Variants in GREM2 observed in about 807,000 individuals in gnomAD.
The protein encoded by GREM2 is gremlin-2.
Under a neutral mutation model 14.2 loss-of-function variants are expected in GREM2, and 11 were observed. The observed-to-expected ratio is 0.78, with a 90% CI of 0.49 to 1.28. The LOEUF is 1.28. Among genes scored for constraint, GREM2 ranks in the 50% most tolerant of loss-of-function variants. The pLI is 0.00. For missense variants in GREM2, 210 were observed against 218.5 expected, an observed-to-expected ratio of 0.96 and a Z score of 0.24; for synonymous variants, 98 against 97.6, an observed-to-expected ratio of 1.00 and a Z score of -0.02.
chr1:240,595,182 G>A (rs61833681), intron 1 of GREM2, among the ~76,000 whole-genome samples: 43,340 of 152,010 alleles, frequency 0.29, 6,259 homozygotes, highest in Middle Eastern at 0.35. Context: ...AAATACAAAG[G>A]TTAGCTGGGC....
chr1:240,556,236 G>A (rs534458601), intron 1 of GREM2, among the ~76,000 whole-genome samples: 6 of 152,312 alleles, frequency 3.9e-5, no homozygotes, highest in Non-Finnish European at 8.8e-5. Flanking sequence ...TGTTCGAAGA[G>A]TGAAATCCCC....
Position 240,492,871 on chromosome 1 carries a change from G to T in GREM2, c.*98C>A. 1 of 1,183,690 alleles carries T rather than the reference G, an allele frequency of 8.4e-7. No individual in the cohort carries two copies. Among genetic ancestry groups the T allele is most frequent in the Non-Finnish European group, 1.1e-6 (1 of 923,016 alleles). 73.3% of individuals were successfully genotyped at this position (1,183,690 alleles called of 1,614,324 possible). A position where few individuals can be genotyped will look rare whatever the true frequency, so the allele number is the denominator to read the frequency against. On this transcript the variant is annotated 3_prime_UTR_variant, in exon 2 of 2. Transcript: ENST00000318160. ...GCTTGCTGCTGAGGGGGAACACCAG[G>T]CAGCGTGACAGTGGGCTCGGAGGGC...
chr1:240,527,527 G>T (rs929852003), intron 1 of GREM2, among the ~76,000 whole-genome samples: 5 of 152,184 alleles, frequency 3.3e-5, no homozygotes, highest in Non-Finnish European at 7.4e-5. Context: ...CTGCTGACAG[G>T]AGAAAACATT....
chr1:240,546,206 G>T (rs374043773), intron 1 of GREM2, among the ~76,000 whole-genome samples: 3 of 152,172 alleles, frequency 2.0e-5, no homozygotes, highest in Admixed American at 1.3e-4. Flanking sequence ...AGGCATGGTG[G>T]CACATGCCTA....
At chr1:240,534,893 T>C (rs1382381355) in intron 1 of GREM2, among the ~76,000 whole-genome samples, 1 of 151,920 alleles carries the variant, frequency 6.6e-6, no homozygotes. Flanking sequence ...GTTTCGAAAA[T>C]TTGGTGACGC....
chr1:240,548,122 A>C (rs1481576325), intron 1 of GREM2, among the ~76,000 whole-genome samples: 1 of 151,572 alleles, frequency 6.6e-6, no homozygotes, highest in African/African-American at 2.4e-5. Context: ...AAAAAAAAAA[A>C]AAATTAGCCA....
At chr1:240,567,201 T>C (rs1189316321) in intron 1 of GREM2, among the ~76,000 whole-genome samples, 1 of 152,164 alleles carries the variant, frequency 6.6e-6, no homozygotes. Context: ...CAGTGAGATG[T>C]GGGATAACTT....
intron 1 of GREM2, among the ~76,000 whole-genome samples, chr1:240,528,876 G>A (rs1422766598): frequency 1.3e-5 from 2 of 152,236 alleles, no homozygotes; most frequent in East Asian, 3.9e-4. Flanking sequence ...AAGGAGACTC[G>A]CTTAACCTGA....
At chr1:240,504,924 T>C (rs1300458281) in intron 1 of GREM2, among the ~76,000 whole-genome samples, 6 of 152,156 alleles carry the variant, frequency 3.9e-5, no homozygotes, top group African/African-American at 1.4e-4. Flanking sequence ...ATATAATAGA[T>C]GATATAGTTT....
chr1:240,492,799 T>G lies in GREM2; in HGVS notation c.*170A>C. 1.6e-6 allele frequency: 1 copy of G among 630,918 alleles called. No individual in the cohort carries two copies. Among genetic ancestry groups the G allele is most frequent in the Non-Finnish European group, 2.3e-6 (1 of 443,920 alleles). The allele number at this position is 630,918 out of a possible 1,614,324, so 39.1% of individuals were successfully genotyped here. On this transcript the variant is annotated 3_prime_UTR_variant, in exon 2 of 2. Coordinates refer to ENST00000318160, the MANE Select transcript of GREM2 (RefSeq NM_022469.4). The stretch of plus-strand genomic sequence containing the variant: ...AGGAACACATCAGCAAAAGCTCCAC[T>G]TGCGATCCACGTCTGTGACAAGGAC...
intron 1 of GREM2, among the ~76,000 whole-genome samples, chr1:240,578,282 T>C (rs747580277): frequency 2.0e-5 from 3 of 151,912 alleles, no homozygotes; most frequent in Admixed American, 6.6e-5. Context: ...CCTGCCACCA[T>C]GCCTGGCTAC....
intron 1 of GREM2, among the ~76,000 whole-genome samples, chr1:240,522,101 C>T (rs1572380040): frequency 7.7e-6 from 1 of 129,414 alleles, no homozygotes; most frequent in African/African-American, 3.1e-5. Flanking sequence ...GCCTGGATGA[C>T]AGAGCAAAAC....
intron 1 of GREM2, among the ~76,000 whole-genome samples, chr1:240,513,969 G>T (rs567424294): frequency 3.5e-5 from 1 of 28,170 alleles, no homozygotes; most frequent in Non-Finnish European, 5.6e-5. Flanking sequence ...GAAATAGTCC[G>T]GTGCGGTGGC....
chr1:240,562,915 T>C (rs1402587122), intron 1 of GREM2, among the ~76,000 whole-genome samples: 1 of 149,252 alleles, frequency 6.7e-6, no homozygotes, highest in Non-Finnish European at 1.5e-5. Flanking sequence ...TGTATGTCTG[T>C]GAGTGTATGT....
In GREM2 at chr1:240,491,232, T is replaced by C. The variant is rs1247724957; in HGVS notation, c.*1737A>G. 3.3e-5 allele frequency: 5 copies of C among 152,394 alleles called. No individual in the cohort carries two copies. Among genetic ancestry groups the C allele is most frequent in the African/African-American group, 1.2e-4 (5 of 41,490 alleles). 9.4% of individuals were successfully genotyped at this position (152,394 alleles called of 1,614,324 possible). On this transcript the variant is annotated 3_prime_UTR_variant, in exon 2 of 2. Coordinates refer to ENST00000318160, the MANE Select transcript of GREM2 (RefSeq NM_022469.4). ...CAAGTGAATGTCTCTAGATCCACCATCACTACCTAGTATCAGGAAGCTAAG... is the reference window on the plus strand; with the variant it reads ...CAAGTGAATGTCTCTAGATCCACCACCACTACCTAGTATCAGGAAGCTAAG...
At chr1:240,569,781 TAGG>T (rs1679225676) in intron 1 of GREM2, among the ~76,000 whole-genome samples, 1 of 152,192 alleles carries the variant, frequency 6.6e-6, no homozygotes, top group South Asian at 2.1e-4. Context: ...GACCCTGTGT[TAGG>T]AGATTTCTTA....
At chr1:240,601,279 CAGAT>C (rs1189598880) in intron 1 of GREM2, among the ~76,000 whole-genome samples, 1 of 152,174 alleles carries the variant, frequency 6.6e-6, no homozygotes, top group Non-Finnish European at 1.5e-5. Context: ...TAGTTCCACA[CAGAT>C]AGGAACAAAG....
chr1:240,504,799 GA>G (rs1317410464), intron 1 of GREM2, among the ~76,000 whole-genome samples: 2 of 152,144 alleles, frequency 1.3e-5, no homozygotes, highest in African/African-American at 4.8e-5. Context: ...ATTGCTGTTA[GA>G]TTTTTTTCAC....
chr1:240,564,261 T>C (rs1276731564), intron 1 of GREM2, among the ~76,000 whole-genome samples: 2 of 151,084 alleles, frequency 1.3e-5, no homozygotes, highest in East Asian at 3.9e-4. Context: ...ATCCCAGCAT[T>C]TTGGGACGCT....
Sources: gnomAD v4.1 joint callset for allele counts (sites outside exome capture counted in the v4.1 genomes callset) on GRCh38, gnomAD v4.1.1 for gene constraint, MANE v1.5 for transcripts, NCBI Gene and HGNC (gene_info 2026-07-23, HGNC 2026-07-21) for gene names.